KAZN: variants seen among roughly 807,000 people sequenced by gnomAD.
The protein encoded by KAZN is kazrin, periplakin interacting protein, also known as kazrin.
In KAZN, 40 loss-of-function variants were observed where a neutral mutation model predicts 87.4. The ratio of observed to expected loss-of-function variants is 0.46; its 90% CI spans 0.36 to 0.60. KAZN has a LOEUF of 0.60. Among genes scored for constraint, KAZN ranks in the 20% least tolerant of loss-of-function variants. The pLI, the probability that KAZN is intolerant of heterozygous loss-of-function variation, is 0.00. For synonymous variants in KAZN, 466 were observed against 458.3 expected (o/e 1.02, Z -0.22); for missense variants, 898 against 1,073.9 (o/e 0.84, Z 2.29).
intron 2 of KAZN, among the ~76,000 whole-genome samples, chr1:14,514,623 A>ATTT (rs1671204423): frequency 1.9e-5 from 1 of 53,722 alleles, no homozygotes; most frequent in African/African-American, 5.2e-5. Flanking sequence ...ATATATATAT[A>ATTT]TATATATATA....
At chr1:14,523,785 C>G (rs985397747) in intron 2 of KAZN, among the ~76,000 whole-genome samples, 5 of 152,164 alleles carry the variant, frequency 3.3e-5, no homozygotes, top group Non-Finnish European at 7.3e-5. Flanking sequence ...CCCATGTGGT[C>G]CTGGGGCTGC....
intron 6 of KAZN, chr1:15,060,753 CTTTG>C (rs2100528022): frequency 6.2e-6 from 1 of 161,742 alleles, no homozygotes; most frequent in East Asian, 1.7e-4. Flanking sequence ...AGTTTGTTTC[CTTTG>C]TTTATTTCAT....
chr1:14,130,044 A>T (rs759639210), intron 1 of KAZN, among the ~76,000 whole-genome samples: 1 of 152,256 alleles, frequency 6.6e-6, no homozygotes, highest in Non-Finnish European at 1.5e-5. Flanking sequence ...AAGATTCAGA[A>T]ACCCTAATCA....
chr1:14,317,156 T>C (rs1414922335), intron 2 of KAZN, among the ~76,000 whole-genome samples: 2 of 151,990 alleles, frequency 1.3e-5, no homozygotes, highest in African/African-American at 2.4e-5. Context: ...CTTGCGGATA[T>C]GTGACCTTCT....
chr1:14,991,420 G>A (rs1191720539), intron 2 of KAZN, among the ~76,000 whole-genome samples: 1 of 152,144 alleles, frequency 6.6e-6, no homozygotes, highest in Non-Finnish European at 1.5e-5. Flanking sequence ...CTGTCCTCCA[G>A]AGCTACAAGC....
chr1:14,645,580 T>G (rs1231870921), intron 1 of KAZN, among the ~76,000 whole-genome samples: 1 of 152,316 alleles, frequency 6.6e-6, no homozygotes, highest in East Asian at 1.9e-4. Flanking sequence ...TGCTAGTAAT[T>G]TTTGTACATT....
At chr1:14,883,349 A>AGGGAGGGAGG (rs1376505493) in intron 1 of KAZN, among the ~76,000 whole-genome samples, 1 of 38,118 alleles carries the variant, frequency 2.6e-5, no homozygotes, top group Non-Finnish European at 5.5e-5. Flanking sequence ...AGAGAAAGAA[A>AGGGAGGGAGG]GAAAGAAAAG....
At chr1:14,393,690 A>G (rs1662646346) in intron 2 of KAZN, among the ~76,000 whole-genome samples, 1 of 152,032 alleles carries the variant, frequency 6.6e-6, no homozygotes, top group African/African-American at 2.4e-5. Context: ...TTATATTGCT[A>G]GCATTGAGGA....
intron 1 of KAZN, among the ~76,000 whole-genome samples, chr1:14,032,780 G>GA (rs1641384113): frequency 1.3e-5 from 2 of 152,268 alleles, no homozygotes; most frequent in East Asian, 3.9e-4. Context: ...AAATGATAAT[G>GA]AAAATCACTA....
At position 14,711,194 on chromosome 1, in the gene KAZN, A is replaced by G. The variant is rs112010201; in HGVS notation, c.226+111971A>G. Among the ~76,000 whole-genome samples the G allele has an allele frequency of 8.0e-3, 1,224 of 152,050 alleles. 17 individuals carry two copies. The highest frequency in any genetic ancestry group is 0.028 in the African/African-American group (1,151 of 41,468). On this transcript the variant is annotated intron_variant, in intron 1 of 14. Transcript: ENST00000376030. ...GGGGACAAAGCCAGACCTTGTCTCT[A>G]TTTTCGAAAAGAAGTATTATTGAAG... is the stretch of plus-strand genomic sequence containing the variant.
At chr1:14,627,461 T>C (rs2148653129) in intron 1 of KAZN, among the ~76,000 whole-genome samples, 1 of 152,178 alleles carries the variant, frequency 6.6e-6, no homozygotes, top group South Asian at 2.1e-4. Flanking sequence ...AGGAGGCATG[T>C]CTGCACAGGC....
chr1:14,561,163 C>T (rs1431395129), intron 2 of KAZN, among the ~76,000 whole-genome samples: 1 of 152,198 alleles, frequency 6.6e-6, no homozygotes, highest in Non-Finnish European at 1.5e-5. Context: ...GATTGGCTGC[C>T]CCTGGGTCAG....
At chr1:14,517,570 C>T (rs545071238) in intron 2 of KAZN, among the ~76,000 whole-genome samples, 17 of 152,338 alleles carry the variant, frequency 1.1e-4, no homozygotes, top group Admixed American at 5.9e-4. Flanking sequence ...ATTTGTGACT[C>T]ACAGCATGAG....
chr1:14,353,774 A>C (rs1658760422), intron 2 of KAZN, among the ~76,000 whole-genome samples: 1 of 152,248 alleles, frequency 6.6e-6, no homozygotes, highest in Admixed American at 6.5e-5. Context: ...TATTGATGAC[A>C]GAAATGAAAA....
Position 14,365,337 on chromosome 1 carries a change from G to A in KAZN, c.249+184745G>A, listed in dbSNP as rs552542114. ...GCTGGGATTACAGGTGTGAGCCACCGCGCCCCGGCGCCCACCCCCTCCCCC... is the reference window on the plus strand; with the variant it reads ...GCTGGGATTACAGGTGTGAGCCACCACGCCCCGGCGCCCACCCCCTCCCCC... On this transcript the variant is annotated intron_variant, in intron 2 of 16. Transcript: ENST00000636203. Among the ~76,000 whole-genome samples the A allele has an allele frequency of 1.0e-3, 147 of 143,108 alleles. 1 individual carries two copies. In the South Asian group the frequency reaches 0.013, roughly 12 times the overall value. The allele number at this position is 143,108 out of a possible 152,430, so 93.9% of individuals were successfully genotyped here. A position where few individuals can be genotyped will look rare whatever the true frequency, so the allele number is the denominator to read the frequency against.
chr1:14,520,246 A>G (rs1671515513), intron 2 of KAZN, among the ~76,000 whole-genome samples: 1 of 152,134 alleles, frequency 6.6e-6, no homozygotes, highest in African/African-American at 2.4e-5. Flanking sequence ...CAAGCTGGAA[A>G]CAAAGAAACT....
intron 2 of KAZN, among the ~76,000 whole-genome samples, chr1:14,467,328 A>G (rs1434163170): frequency 1.5e-5 from 2 of 137,716 alleles, no homozygotes; most frequent in Non-Finnish European, 3.1e-5. Flanking sequence ...CTTGAAATAT[A>G]TTATAAAAAA....
At chr1:15,034,955 C>T (rs1672113361) in intron 3 of KAZN, 70 bp downstream of exon 3, 1 of 1,569,382 alleles carries the variant, frequency 6.4e-7, no homozygotes, top group Non-Finnish European at 8.7e-7. Flanking sequence ...TGGCTGGCCA[C>T]CTTCACAGGC....
At chr1:14,546,508 T>C (rs1365363064) in intron 2 of KAZN, among the ~76,000 whole-genome samples, 1 of 151,930 alleles carries the variant, frequency 6.6e-6, no homozygotes, top group Non-Finnish European at 1.5e-5. Flanking sequence ...TCTAAATTGT[T>C]TCCTAAATGT....
Sources: allele counts gnomAD v4.1 joint callset (sites outside exome capture counted in the v4.1 genomes callset), GRCh38; gene constraint gnomAD v4.1.1; transcripts MANE v1.5; gene names NCBI Gene and HGNC (gene_info 2026-07-23, HGNC 2026-07-21).